KCTD16: variants seen among roughly 807,000 people sequenced by gnomAD.
KCTD16 encodes potassium channel tetramerization domain containing 16, also known as BTB/POZ domain-containing protein KCTD16.
A neutral mutation model predicts 33.2 loss-of-function variants in KCTD16; 13 were observed. The observed-to-expected ratio is 0.39, with a 90% CI of 0.25 to 0.62. The LOEUF is 0.62. Ranked by LOEUF, KCTD16 falls within the 20% of genes least tolerant of loss-of-function variation. The pLI, the probability that KCTD16 is intolerant of heterozygous loss-of-function variation, is 0.50. For missense variants in KCTD16, 441 were observed against 525.1 expected (o/e 0.84, Z 1.57); for synonymous variants, 197 against 195.3 (o/e 1.01, Z -0.07).
intron 3 of KCTD16, among the ~76,000 whole-genome samples, chr5:144,324,471 G>A (rs1256318625): frequency 2.0e-5 from 3 of 152,128 alleles, no homozygotes; most frequent in African/African-American, 7.2e-5. Context: ...CTTTTATACT[G>A]TTGATTGGAA....
At chr5:144,307,022 T>A (rs1202320172) in intron 3 of KCTD16, among the ~76,000 whole-genome samples, 3 of 152,180 alleles carry the variant, frequency 2.0e-5, no homozygotes, top group Admixed American at 6.5e-5. Context: ...AGGCCCTAGT[T>A]TTTTTGTTGG....
At chr5:144,315,851 A>ATGAC (rs1169887095) in intron 3 of KCTD16, among the ~76,000 whole-genome samples, 1 of 152,218 alleles carries the variant, frequency 6.6e-6, no homozygotes, top group Non-Finnish European at 1.5e-5. Flanking sequence ...TGAATTACAC[A>ATGAC]TGACTTAAGA....
intron 2 of KCTD16, among the ~76,000 whole-genome samples, chr5:144,195,178 A>G (rs961465056): frequency 6.6e-6 from 1 of 152,178 alleles, no homozygotes. Flanking sequence ...CTATAGGCAT[A>G]CCCTGTTAGC....
chr5:144,466,265 A>G (rs978217575), intron 3 of KCTD16, among the ~76,000 whole-genome samples: 2 of 147,470 alleles, frequency 1.4e-5, no homozygotes, highest in African/African-American at 5.1e-5. Context: ...TCATGAGCTA[A>G]TTAAGTGCAC....
intron 3 of KCTD16, among the ~76,000 whole-genome samples, chr5:144,417,813 T>G (rs1287844881): frequency 6.6e-6 from 1 of 152,158 alleles, no homozygotes; most frequent in Admixed American, 6.6e-5. Context: ...CTTCTGCATA[T>G]GGATATGCAG....
At chr5:144,386,641 T>C (rs1015450882) in intron 3 of KCTD16, among the ~76,000 whole-genome samples, 1 of 152,240 alleles carries the variant, frequency 6.6e-6, no homozygotes, top group African/African-American at 2.4e-5. Context: ...CATCTTTTTA[T>C]ATTCCCTGAA....
chr5:144,385,195 A>G (rs778578786), intron 3 of KCTD16: 14 of 152,228 alleles, frequency 9.2e-5, no homozygotes, highest in South Asian at 2.1e-4. Context: ...CATTCAGGCT[A>G]TAACCTCTCA....
intron 3 of KCTD16, among the ~76,000 whole-genome samples, chr5:144,469,968 T>A (rs1299848173): frequency 1.3e-5 from 2 of 151,422 alleles, no homozygotes; most frequent in Non-Finnish European, 2.9e-5. Flanking sequence ...CCTGCTTTTT[T>A]AATATCAATA....
At chr5:144,427,396 C>T (rs375970709) in intron 3 of KCTD16, among the ~76,000 whole-genome samples, 2 of 151,996 alleles carry the variant, frequency 1.3e-5, no homozygotes, top group East Asian at 1.9e-4. Flanking sequence ...TTTTTGGAGA[C>T]TCAGGGTCAT....
intron 3 of KCTD16, among the ~76,000 whole-genome samples, chr5:144,373,643 A>G (rs547861987): frequency 2.0e-4 from 30 of 152,296 alleles, no homozygotes; most frequent in African/African-American, 6.7e-4. Context: ...ACAGCTCAGC[A>G]TATAGGTCTG....
intron 2 of KCTD16, among the ~76,000 whole-genome samples, chr5:144,181,367 G>A (rs58158236): frequency 0.3 from 45,300 of 151,910 alleles, 7,881 homozygotes; most frequent in African/African-American, 0.48. Context: ...TGTGTAATCT[G>A]AGAGGCCTAT....
intron 3 of KCTD16, among the ~76,000 whole-genome samples, chr5:144,399,129 T>C (rs1752644854): frequency 6.6e-6 from 1 of 152,152 alleles, no homozygotes; most frequent in Non-Finnish European, 1.5e-5. Flanking sequence ...AGAAGGAATC[T>C]GAAGATTAAA....
At chr5:144,441,364 G>A (rs549917998) in intron 3 of KCTD16, among the ~76,000 whole-genome samples, 3 of 152,028 alleles carry the variant, frequency 2.0e-5, no homozygotes, top group Admixed American at 2.0e-4. Flanking sequence ...ATTTACTTTT[G>A]TTTTCTTCTA....
At chr5:144,307,247 A>G (rs1278564379) in intron 3 of KCTD16, among the ~76,000 whole-genome samples, 1 of 152,264 alleles carries the variant, frequency 6.6e-6, no homozygotes, top group East Asian at 1.9e-4. Flanking sequence ...AACTGCTAAA[A>G]CTTGCAAATT....
chr5:144,329,670 G>T (rs1752303291), intron 3 of KCTD16, among the ~76,000 whole-genome samples: 1 of 152,002 alleles, frequency 6.6e-6, no homozygotes, highest in African/African-American at 2.4e-5. Context: ...TATTAGTAAA[G>T]TTGGATAGGA....
At chr5:144,331,320 C>T (rs1752353750) in intron 3 of KCTD16, among the ~76,000 whole-genome samples, 1 of 152,176 alleles carries the variant, frequency 6.6e-6, no homozygotes. Flanking sequence ...GGCACAGCAC[C>T]ATTACAGGAC....
chr5:144,436,951 G>C (rs900694236), intron 3 of KCTD16, among the ~76,000 whole-genome samples: 1 of 152,052 alleles, frequency 6.6e-6, no homozygotes, highest in Non-Finnish European at 1.5e-5. Context: ...ATAATAATAT[G>C]TACTACTGGT....
intron 3 of KCTD16, among the ~76,000 whole-genome samples, chr5:144,418,913 T>C (rs1234381040): frequency 1.3e-5 from 2 of 152,154 alleles, no homozygotes; most frequent in African/African-American, 4.8e-5. Context: ...TTACAACCCA[T>C]TAACATCATG....
intron 3 of KCTD16, among the ~76,000 whole-genome samples, chr5:144,469,637 C>G (rs1754425197): frequency 6.6e-6 from 1 of 151,934 alleles, no homozygotes; most frequent in Non-Finnish European, 1.5e-5. Flanking sequence ...CTGTTAACAG[C>G]CTTATTCTTC....
Sources: gnomAD v4.1 joint callset for allele counts (sites outside exome capture counted in the v4.1 genomes callset) on GRCh38, gnomAD v4.1.1 for gene constraint, MANE v1.5 for transcripts, NCBI Gene and HGNC (gene_info 2026-07-23, HGNC 2026-07-21) for gene names.